The following RBFOX1 variants were observed in gnomAD, a reference collection of about 807,000 sequenced individuals.
The protein encoded by RBFOX1 is RNA binding protein fox-1 homolog 1.
RBFOX1 carries 8 observed loss-of-function variants against 57.7 expected under a neutral mutation model. The observed-to-expected ratio is 0.14, with a 90% CI of 0.08 to 0.25. The LOEUF (loss-of-function observed/expected upper bound fraction) is 0.25. Ranked by LOEUF, RBFOX1 falls within the 10% of genes least tolerant of loss-of-function variation. The pLI is 1.00. For synonymous variants in RBFOX1, 326 were observed against 222.4 expected (o/e 1.47, Z -4.15); for missense variants, 611 against 548.5 (o/e 1.11, Z -1.14).
At chr16:6,942,355 A>G (rs7184946) in intron 3 of RBFOX1, among the ~76,000 whole-genome samples, 1 of 151,768 alleles carries the variant, frequency 6.6e-6, no homozygotes, top group South Asian at 2.1e-4. Context: ...TTTTTTTGTG[A>G]CATTTTGTTG....
chr16:5,713,438 T>A (rs1440442320), intron 3 of RBFOX1, among the ~76,000 whole-genome samples: 1 of 152,174 alleles, frequency 6.6e-6, no homozygotes, highest in African/African-American at 2.4e-5. Context: ...TGTTGCTGTT[T>A]TTGAAGTAAA....
intron 2 of RBFOX1, among the ~76,000 whole-genome samples, chr16:6,434,545 G>A (rs144645146): frequency 1.1e-3 from 172 of 152,268 alleles, no homozygotes; most frequent in African/African-American, 3.7e-3. Flanking sequence ...ACGTCGCATA[G>A]TGCCTGGCAC....
At chr16:5,855,225 T>A (rs1228905655) in intron 3 of RBFOX1, among the ~76,000 whole-genome samples, 1 of 152,248 alleles carries the variant, frequency 6.6e-6, no homozygotes, top group Non-Finnish European at 1.5e-5. Context: ...ATTTTTAGTT[T>A]GATGAAAGCC....
At position 6,755,941 on chromosome 16, in the gene RBFOX1, C is replaced by T. The variant is rs548702287; in HGVS notation, c.-16+101291C>T. Among the ~76,000 whole-genome samples, 13 of 152,200 alleles carry T rather than the reference C, an allele frequency of 8.5e-5. No individual in the cohort carries two copies. In the South Asian group the frequency reaches 2.5e-3, roughly 29 times the overall value. On this transcript the variant is annotated intron_variant, in intron 3 of 15. Transcript: ENST00000550418. ...TGTAGAAACATCCTGTGTGTTAAGA[C>T]CGAAAGGGACCATTTACAGCCAGTT... is the stretch of plus-strand genomic sequence containing the variant.
intron 4 of RBFOX1, among the ~76,000 whole-genome samples, chr16:5,960,731 C>G (rs910082948): frequency 6.6e-6 from 1 of 152,172 alleles, no homozygotes; most frequent in Non-Finnish European, 1.5e-5. Context: ...CTCCATCATT[C>G]TGTCAGTGTG....
chr16:5,705,172 G>A lies in RBFOX1; in HGVS notation c.318+106211G>A, dbSNP rs889736118. On this transcript the variant is annotated intron_variant, in intron 3 of 19. Transcript: ENST00000641259. Reference sequence around the variant, plus strand: ...CAACCTTTGATCTTTGTCCTTGAAGGCTATCTTCCTATCTTCCATCATGCT... The same window carrying A: ...CAACCTTTGATCTTTGTCCTTGAAGACTATCTTCCTATCTTCCATCATGCT... Among the ~76,000 whole-genome samples the A allele has an allele frequency of 2.7e-4, 41 of 152,094 alleles. 2 individuals carry two copies. The highest frequency in any genetic ancestry group is 2.0e-3 in the Admixed American group (30 of 15,274).
Position 6,251,498 on chromosome 16 carries a change from G to T in RBFOX1, c.-126-65497G>T, listed in dbSNP as rs1353945769. On this transcript the variant is annotated intron_variant, in intron 1 of 15. Coordinates refer to ENST00000550418, the MANE Select transcript of RBFOX1 (RefSeq NM_018723.4). ...GCAGCAGCCTAAGAACCAAAAGTTA[G>T]ATATTTATTATACATGGGTTTGGGG... Among the ~76,000 whole-genome samples, 9 of 152,180 alleles carry T rather than the reference G, an allele frequency of 5.9e-5. No individual in the cohort carries two copies. In the South Asian group the frequency reaches 1.0e-3, roughly 18 times the overall value.
intron 3 of RBFOX1, among the ~76,000 whole-genome samples, chr16:5,847,859 G>C (rs1421253937): frequency 1.3e-5 from 2 of 152,074 alleles, no homozygotes; most frequent in African/African-American, 4.8e-5. Flanking sequence ...TCAACACCCA[G>C]ACTATGTTAG....
At chr16:6,921,361 A>G (rs1036743986) in intron 3 of RBFOX1, among the ~76,000 whole-genome samples, 9 of 152,098 alleles carry the variant, frequency 5.9e-5, no homozygotes, top group African/African-American at 2.2e-4. Context: ...TCACATTTGG[A>G]GGCTCAAATG....
At chr16:6,220,141 G>A (rs1341580198) in intron 1 of RBFOX1, among the ~76,000 whole-genome samples, 3 of 151,440 alleles carry the variant, frequency 2.0e-5, no homozygotes, top group South Asian at 2.1e-4. Flanking sequence ...CATCTATCTC[G>A]ATATAGGTAT....
intron 3 of RBFOX1, among the ~76,000 whole-genome samples, chr16:6,759,913 C>T (rs1331859425): frequency 2.6e-5 from 4 of 152,120 alleles, no homozygotes; most frequent in Admixed American, 2.0e-4. Context: ...CAGTGGAATT[C>T]TCATTAGTTT....
rs745341065 is a variant in RBFOX1 at position 7,268,994 on chromosome 16, G to T, written c.27+216896G>T. On this transcript the variant is annotated intron_variant, in intron 4 of 15. Transcript: ENST00000550418. ...AGAGTTTGCAGTGAGCCGAGATCACGCCAGTGCACTCCAGCTTGGGCGACA... is the reference window on the plus strand; with the variant it reads ...AGAGTTTGCAGTGAGCCGAGATCACTCCAGTGCACTCCAGCTTGGGCGACA... Among the ~76,000 whole-genome samples the T allele has an allele frequency of 2.3e-5, 3 of 128,940 alleles. No homozygotes were observed. In the Admixed American group the frequency reaches 2.8e-4, roughly 12 times the overall value. The allele number at this position is 128,940 out of a possible 152,430, so 84.6% of individuals were successfully genotyped here.
At chr16:5,771,199 CA>C (rs2053965528) in intron 3 of RBFOX1, among the ~76,000 whole-genome samples, 3 of 152,232 alleles carry the variant, frequency 2.0e-5, no homozygotes, top group African/African-American at 7.2e-5. Context: ...ACCCCATAGG[CA>C]GATAGCATTT....
At chr16:6,086,978 C>T (rs2152521856) in intron 1 of RBFOX1, among the ~76,000 whole-genome samples, 1 of 152,302 alleles carries the variant, frequency 6.6e-6, no homozygotes. Flanking sequence ...AAAGCTGTAG[C>T]AACACATCAC....
chr16:6,623,537 G>C (rs1269977177), intron 2 of RBFOX1, among the ~76,000 whole-genome samples: 2 of 151,792 alleles, frequency 1.3e-5, no homozygotes, highest in African/African-American at 2.4e-5. Flanking sequence ...TTGGTGTGCT[G>C]CACTCATTAA....
intron 14 of RBFOX1, among the ~76,000 whole-genome samples, chr16:7,697,267 A>G (rs1295586204): frequency 6.6e-5 from 10 of 152,062 alleles, no homozygotes; most frequent in Non-Finnish European, 1.5e-5. Context: ...TGATGGGAGA[A>G]CAAACAGGAC....
intron 3 of RBFOX1, among the ~76,000 whole-genome samples, chr16:7,019,629 C>T (rs1480251360): frequency 7.8e-6 from 1 of 128,144 alleles, no homozygotes; most frequent in Non-Finnish European, 1.5e-5. Context: ...ATGATGTGAT[C>T]AGGGCTGTGA....
At chr16:7,502,070 C>T (rs981377725) in intron 4 of RBFOX1, among the ~76,000 whole-genome samples, 4 of 152,082 alleles carry the variant, frequency 2.6e-5, no homozygotes, top group East Asian at 1.9e-4. Flanking sequence ...CTTCCAAGTC[C>T]GACTATCATT....
chr16:7,166,065 G>C (rs568442254), intron 4 of RBFOX1, among the ~76,000 whole-genome samples: 7 of 152,188 alleles, frequency 4.6e-5, no homozygotes, highest in Admixed American at 4.6e-4. Context: ...CCAGGTTGGA[G>C]TGCAGTGGAT....
Sources: allele counts gnomAD v4.1 joint callset (sites outside exome capture counted in the v4.1 genomes callset), GRCh38; gene constraint gnomAD v4.1.1; transcripts MANE v1.5; gene names NCBI Gene and HGNC (gene_info 2026-07-23, HGNC 2026-07-21).